CSMD1: variants seen among roughly 807,000 people sequenced by gnomAD.
CSMD1 encodes CUB and Sushi multiple domains 1.
Under a neutral mutation model 417.5 loss-of-function variants are expected in CSMD1, and 213 were observed. The ratio of observed to expected loss-of-function variants is 0.51; its 90% confidence interval spans 0.46 to 0.57. The LOEUF is 0.57. Ranked by LOEUF, CSMD1 falls within the 20% of genes least tolerant of loss-of-function variation. The pLI, the probability that CSMD1 is intolerant of heterozygous loss-of-function variation, is 0.00. For synonymous variants in CSMD1, 2,862 were observed against 1,736.8 expected (o/e 1.65, Z -16.11); for missense variants, 6,923 against 4,529.7 (o/e 1.53, Z -15.17).
intron 4 of CSMD1, among the ~76,000 whole-genome samples, chr8:4,004,948 G>C (rs144502820): frequency 0.022 from 3,307 of 152,256 alleles, 51 homozygotes; most frequent in Non-Finnish European, 0.035. Flanking sequence ...GTTTCACCGT[G>C]TTAGCCAGGA....
At chr8:3,271,388 T>G (rs1801844013) in intron 26 of CSMD1, among the ~76,000 whole-genome samples, 1 of 151,996 alleles carries the variant, frequency 6.6e-6, no homozygotes, top group African/African-American at 2.4e-5. Context: ...ACAATAAACA[T>G]ACGTGTACAT....
intron 41 of CSMD1, among the ~76,000 whole-genome samples, chr8:3,122,449 T>C (rs1457693370): frequency 6.6e-6 from 1 of 152,132 alleles, no homozygotes; most frequent in Non-Finnish European, 1.5e-5. Context: ...AAAAAATATT[T>C]TTAACTCACA....
At chr8:4,766,226 G>T (rs1017048382) in intron 1 of CSMD1, among the ~76,000 whole-genome samples, 8 of 152,174 alleles carry the variant, frequency 5.3e-5, no homozygotes, top group Non-Finnish European at 1.2e-4. Context: ...TGGTGCGTTG[G>T]CAACAAGTGG....
chr8:3,854,168 A>G (rs1804129361), intron 5 of CSMD1, among the ~76,000 whole-genome samples: 1 of 147,914 alleles, frequency 6.8e-6, no homozygotes, highest in Admixed American at 6.8e-5. Context: ...ATAAAAAAAA[A>G]AAAACACGTC....
intron 1 of CSMD1, among the ~76,000 whole-genome samples, chr8:4,740,191 T>C (rs1277665672): frequency 2.6e-5 from 4 of 152,146 alleles, no homozygotes; most frequent in African/African-American, 9.7e-5. Flanking sequence ...GAACACATTA[T>C]CTTATTGTTT....
chr8:3,438,626 ATTTG>A (rs1220484838), intron 12 of CSMD1, among the ~76,000 whole-genome samples: 1 of 152,102 alleles, frequency 6.6e-6, no homozygotes, highest in Admixed American at 6.5e-5. Context: ...AGATGAATTA[ATTTG>A]TTTAACTGTT....
chr8:3,384,130 G>T (rs1048270265), intron 18 of CSMD1, among the ~76,000 whole-genome samples: 2 of 151,988 alleles, frequency 1.3e-5, no homozygotes, highest in African/African-American at 4.8e-5. Context: ...GAGCTGACAG[G>T]GACATGTTTA....
At chr8:4,793,159 T>C (rs1797784920) in intron 1 of CSMD1, among the ~76,000 whole-genome samples, 2 of 152,126 alleles carry the variant, frequency 1.3e-5, no homozygotes, top group Admixed American at 1.3e-4. Context: ...TTCTTTAACC[T>C]TCAATGTCCT....
At chr8:3,932,819 A>G (rs566279881) in intron 5 of CSMD1, among the ~76,000 whole-genome samples, 3 of 150,528 alleles carry the variant, frequency 2.0e-5, no homozygotes, top group South Asian at 4.3e-4. Flanking sequence ...AGTTACTAAT[A>G]TATTTCTCTT....
chr8:3,786,829 C>A (rs974415728), intron 5 of CSMD1, among the ~76,000 whole-genome samples: 1 of 152,148 alleles, frequency 6.6e-6, no homozygotes, highest in African/African-American at 2.4e-5. Flanking sequence ...AGAATCTCTA[C>A]TGGCTCTTGT....
rs373950322 is a variant in CSMD1, at chr8:4,389,731, G to T, written c.415+30222C>A. 2.3e-4 allele frequency among the ~76,000 whole-genome samples: 35 copies of T among 151,896 alleles called. No individual in the cohort carries two copies. In the South Asian group the frequency reaches 7.1e-3, roughly 31 times the overall value. On this transcript the variant is annotated intron_variant, in intron 3 of 69. Coordinates refer to ENST00000635120, the MANE Select transcript of CSMD1 (RefSeq NM_033225.6). The stretch of plus-strand genomic sequence containing the variant: ...TATTTTCCTGTATATTTTAAAATTG[G>T]CATGAGTAGTTACACAAATATATTG...
At chr8:3,948,709 TAAAACCAACAATCAA>T in intron 5 of CSMD1, among the ~76,000 whole-genome samples, 3 of 152,130 alleles carry the variant, frequency 2.0e-5, no homozygotes, top group Admixed American at 2.0e-4. Context: ...TAATAATGAA[TAAAACCAACAATCAA>T]TAATACAGTG....
intron 2 of CSMD1, among the ~76,000 whole-genome samples, chr8:4,508,765 A>ATT (rs995875748): frequency 1.3e-5 from 2 of 152,176 alleles, no homozygotes; most frequent in African/African-American, 4.8e-5. Context: ...ACACTCATAA[A>ATT]TTATTTCAGT....
rs113631520 is a variant in CSMD1, at chr8:4,985,653, C to A, written c.85+8679G>T. Among the ~76,000 whole-genome samples, 487 of 152,302 alleles carry A rather than the reference C, an allele frequency of 3.2e-3. 2 individuals are homozygous for A. Among genetic ancestry groups the A allele is most frequent in the Non-Finnish European group, 5.5e-3 (372 of 68,024 alleles). On this transcript the variant is annotated intron_variant, in intron 1 of 69. Transcript: ENST00000635120. ...TAAAACTAATTCCACCTAACAGTAA[C>A]AAGATGACTATTCTCACCTGAATTT...
At chr8:4,482,406 T>G (rs1455767855) in intron 2 of CSMD1, among the ~76,000 whole-genome samples, 1 of 152,182 alleles carries the variant, frequency 6.6e-6, no homozygotes, top group African/African-American at 2.4e-5. Context: ...CCATCCATGC[T>G]CCTGCAAAGG....
At chr8:4,642,303 C>G (rs1264070345) in intron 1 of CSMD1, among the ~76,000 whole-genome samples, 2 of 152,176 alleles carry the variant, frequency 1.3e-5, no homozygotes, top group African/African-American at 4.8e-5. Context: ...ACTTTGAAAG[C>G]CTGTCTCAGA....
At chr8:4,656,044 T>A (rs920622154) in intron 1 of CSMD1, among the ~76,000 whole-genome samples, 1 of 151,936 alleles carries the variant, frequency 6.6e-6, no homozygotes, top group Admixed American at 6.5e-5. Context: ...ATGAGTAGTG[T>A]TATGGAAGAG....
chr8:4,004,176 G>A lies in CSMD1; in HGVS notation c.611-6066C>T, dbSNP rs1230283243. 3.3e-5 allele frequency among the ~76,000 whole-genome samples: 5 copies of A among 151,916 alleles called. No individual in the cohort carries two copies. The South Asian group carries it at 6.2e-4, about 19-fold the overall frequency. On this transcript the variant is annotated intron_variant, in intron 4 of 69. Transcript: ENST00000635120. ...AATATAAACATTTTAATATAATTGT[G>A]GTATTATAGTAATATAATTGTTATG...
intron 49 of CSMD1, among the ~76,000 whole-genome samples, chr8:3,069,750 C>G (rs1199581511): frequency 3.3e-5 from 5 of 152,190 alleles, no homozygotes; most frequent in Admixed American, 6.5e-5. Context: ...CTTCTCACAG[C>G]TCCACTAAGC....
Sources: gnomAD v4.1 joint callset for allele counts (sites outside exome capture counted in the v4.1 genomes callset) on GRCh38, gnomAD v4.1.1 for gene constraint, MANE v1.5 for transcripts, NCBI Gene and HGNC (gene_info 2026-07-23, HGNC 2026-07-21) for gene names.